Variants in GLP2R observed in about 807,000 individuals in gnomAD.
GLP2R encodes glucagon like peptide 2 receptor, also known as glucagon-like peptide 2 receptor.
Under a neutral mutation model 68.2 loss-of-function variants are expected in GLP2R, and 59 were observed. The observed-to-expected ratio is 0.87, with a 90% CI of 0.70 to 1.07. GLP2R has a LOEUF of 1.07. Among genes scored for constraint, GLP2R ranks in the 50% least tolerant of loss-of-function variants. GLP2R has a pLI of 0.00. For synonymous variants in GLP2R, 270 were observed against 265.4 expected (o/e 1.02, Z -0.17); for missense variants, 548 against 677.4 (o/e 0.81, Z 2.12).
At chr17:9,838,363 C>T (rs2066753230) in intron 3 of GLP2R, among the ~76,000 whole-genome samples, 1 of 152,312 alleles carries the variant, frequency 6.6e-6, no homozygotes, top group African/African-American at 2.4e-5. Flanking sequence ...CAGGGTGCGT[C>T]GCACAGCTGC....
intron 7 of GLP2R, among the ~76,000 whole-genome samples, chr17:9,860,587 A>G (rs768938818): frequency 4.6e-5 from 7 of 152,200 alleles, no homozygotes; most frequent in East Asian, 1.9e-4. Flanking sequence ...TTAAAAGGGC[A>G]CTAATCCTGT....
chr17:9,889,011 G>A (rs1363833339), intron 12 of GLP2R, among the ~76,000 whole-genome samples: 1 of 152,036 alleles, frequency 6.6e-6, no homozygotes, highest in African/African-American at 2.4e-5. Flanking sequence ...CACATTCTAT[G>A]TAAGCTTCTT....
intron 6 of GLP2R, 34 bp from the exon 7 acceptor site, chr17:9,859,908 C>G (rs2066971631): frequency 1.3e-6 from 2 of 1,536,120 alleles, no homozygotes; most frequent in South Asian, 2.4e-5. Context: ...GCAGGGGAGC[C>G]TGGACTCACC....
intron 1 of GLP2R, among the ~76,000 whole-genome samples, chr17:9,829,522 G>A (rs1282604860): frequency 1.3e-5 from 2 of 152,056 alleles, no homozygotes; most frequent in Non-Finnish European, 2.9e-5. Flanking sequence ...GGCATTCAAC[G>A]CTAGAGGATT....
chr17:9,830,311 C>A (rs551527798), intron 1 of GLP2R, among the ~76,000 whole-genome samples: 1 of 152,304 alleles, frequency 6.6e-6, no homozygotes, highest in African/African-American at 2.4e-5. Flanking sequence ...ATAAATAGTA[C>A]TTTGTCCACC....
intron 9 of GLP2R, among the ~76,000 whole-genome samples, chr17:9,869,533 G>A (rs906715578): frequency 4.6e-5 from 7 of 152,208 alleles, no homozygotes; most frequent in Non-Finnish European, 7.3e-5. Context: ...CAGCCAAGAC[G>A]GCAGCCAGGG....
At chr17:9,855,896 G>A (rs2066930441) in intron 5 of GLP2R, among the ~76,000 whole-genome samples, 1 of 152,192 alleles carries the variant, frequency 6.6e-6, no homozygotes, top group Non-Finnish European at 1.5e-5. Context: ...TCAGGCAAGT[G>A]AGACATTTAT....
intron 9 of GLP2R, among the ~76,000 whole-genome samples, chr17:9,863,225 C>T (rs1003225464): frequency 4.6e-5 from 7 of 152,188 alleles, no homozygotes; most frequent in African/African-American, 1.7e-4. Context: ...CCACACTGCC[C>T]AGCTGGGGTC....
At chr17:9,883,909 C>T (rs2067218956) in intron 11 of GLP2R, among the ~76,000 whole-genome samples, 1 of 152,088 alleles carries the variant, frequency 6.6e-6, no homozygotes, top group Non-Finnish European at 1.5e-5. Flanking sequence ...CTCAAATCCA[C>T]ATGAAGAAAT....
At chr17:9,879,291 T>TAAATA (rs1555574075) in intron 10 of GLP2R, among the ~76,000 whole-genome samples, 23 of 26,780 alleles carry the variant, frequency 8.6e-4, no homozygotes, top group Non-Finnish European at 1.1e-3. Flanking sequence ...TAAAATAAAA[T>TAAATA]AAATAAAATA....
chr17:9,830,641 C>T (rs2066672027), intron 1 of GLP2R, among the ~76,000 whole-genome samples: 4 of 152,206 alleles, frequency 2.6e-5, no homozygotes. Flanking sequence ...ACTGTGAACT[C>T]ACAGGGGTGC....
intron 3 of GLP2R, 82 bp downstream of exon 3, chr17:9,836,557 AG>A (rs2066733520): frequency 2.6e-6 from 2 of 776,234 alleles, no homozygotes; most frequent in African/African-American, 1.7e-5. Context: ...TCCCCGTCTA[AG>A]CTCTCAGTAA....
chr17:9,888,363 A>T (rs903498946), intron 12 of GLP2R, among the ~76,000 whole-genome samples: 1 of 152,224 alleles, frequency 6.6e-6, no homozygotes, highest in South Asian at 2.1e-4. Flanking sequence ...CATCAGTAAC[A>T]TGGGAGCAAC....
intron 4 of GLP2R, among the ~76,000 whole-genome samples, chr17:9,849,246 C>T (rs1160577636): frequency 1.3e-5 from 2 of 151,830 alleles, no homozygotes; most frequent in Admixed American, 6.6e-5. Context: ...AATGTAATAA[C>T]ATTTTGCCAC....
chr17:9,865,743 A>C, intron 9 of GLP2R: 1 of 456,996 alleles, frequency 2.2e-6, no homozygotes, highest in Non-Finnish European at 4.5e-6. Context: ...AATTAAAATA[A>C]GTCAACAGGC....
intron 4 of GLP2R, among the ~76,000 whole-genome samples, chr17:9,847,881 G>A (rs2066855863): frequency 6.6e-6 from 1 of 152,086 alleles, no homozygotes; most frequent in Admixed American, 6.5e-5. Flanking sequence ...AAGGCGCAGT[G>A]GCTCATAAGT....
At chr17:9,873,222 C>G in intron 10 of GLP2R, among the ~76,000 whole-genome samples, 1 of 152,190 alleles carries the variant, frequency 6.6e-6, no homozygotes, top group East Asian at 1.9e-4. Context: ...TGGACAGAGG[C>G]TAGTGTTTCC....
chr17:9,859,819 CAAAAAAAAAAAAA>C (rs10567375), intron 6 of GLP2R, 110 bp from the exon 7 acceptor site: 42 of 143,872 alleles, frequency 2.9e-4, no homozygotes, highest in African/African-American at 2.1e-3. Context: ...GATTCTGTCT[CAAAAAAAAAAAAA>C]AAAAAAAAAA....
At chr17:9,851,713 T>C (rs1359390203) in intron 4 of GLP2R, among the ~76,000 whole-genome samples, 2 of 151,266 alleles carry the variant, frequency 1.3e-5, no homozygotes, top group Admixed American at 1.3e-4. Context: ...ACATACGACA[T>C]AGACATTTTA....
Sources: gnomAD v4.1 joint callset for allele counts (sites outside exome capture counted in the v4.1 genomes callset) on GRCh38, gnomAD v4.1.1 for gene constraint, MANE v1.5 for transcripts, NCBI Gene and HGNC (gene_info 2026-07-23, HGNC 2026-07-21) for gene names.